MICU2: variants seen among roughly 807,000 people sequenced by gnomAD.
MICU2 encodes calcium uptake protein 2, mitochondrial.
Under a neutral mutation model 60.4 loss-of-function variants are expected in MICU2, and 64 were observed. That is an observed-to-expected ratio of 1.06 (90% confidence interval 0.87 to 1.31). MICU2 has a LOEUF of 1.31. Ranked by LOEUF, MICU2 falls within the 50% of genes most tolerant of loss-of-function variation. The pLI is 0.00. For synonymous variants in MICU2, 201 were observed against 175.0 expected (o/e 1.15, Z -1.17); for missense variants, 569 against 531.0 (o/e 1.07, Z -0.70).
At chr13:21,592,855 T>C (rs993681413) in intron 1 of MICU2, among the ~76,000 whole-genome samples, 1 of 152,196 alleles carries the variant, frequency 6.6e-6, no homozygotes, top group African/African-American at 2.4e-5. Flanking sequence ...TAGGTATTGA[T>C]GGAACATATC....
chr13:21,499,837 AACAAC>A (rs1301492271), intron 9 of MICU2, among the ~76,000 whole-genome samples: 2 of 48,694 alleles, frequency 4.1e-5, no homozygotes, highest in Non-Finnish European at 9.2e-5. Context: ...CAGCCTGGCC[AACAAC>A]ACAGTGAAAC....
intron 1 of MICU2, among the ~76,000 whole-genome samples, chr13:21,590,699 CA>C (rs1252635479): frequency 1.3e-5 from 2 of 152,160 alleles, no homozygotes; most frequent in South Asian, 4.2e-4. Context: ...ACTAAAAATA[CA>C]AAAAATTAGC....
intron 1 of MICU2, among the ~76,000 whole-genome samples, chr13:21,583,553 G>C (rs1450541370): frequency 6.6e-6 from 1 of 152,202 alleles, no homozygotes; most frequent in African/African-American, 2.4e-5. Context: ...TGCTGGATCA[G>C]TTATCATCTG....
At chr13:21,582,451 A>G (rs2138059084) in intron 1 of MICU2, among the ~76,000 whole-genome samples, 1 of 152,358 alleles carries the variant, frequency 6.6e-6, no homozygotes, top group East Asian at 1.9e-4. Context: ...TTAAAAAAGA[A>G]TTGAGAAACA....
intron 2 of MICU2, among the ~76,000 whole-genome samples, chr13:21,541,268 T>C (rs561061998): frequency 7.2e-5 from 11 of 152,154 alleles, no homozygotes; most frequent in African/African-American, 2.6e-4. Flanking sequence ...AAAAAATCCT[T>C]CTACTTGAAA....
At chr13:21,502,566 C>T (rs1361907051) in intron 9 of MICU2, among the ~76,000 whole-genome samples, 1 of 152,142 alleles carries the variant, frequency 6.6e-6, no homozygotes, top group East Asian at 1.9e-4. Flanking sequence ...GTTCTCTAGG[C>T]ATATAATTGC....
rs574487722 is a variant in MICU2 at position 21,537,857 on chromosome 13, T to C, written c.466+1445A>G. Among the ~76,000 whole-genome samples the C allele has an allele frequency of 1.1e-4, 17 of 152,192 alleles. No homozygotes were observed. The East Asian group carries it at 3.3e-3, about 29-fold the overall frequency. ...TTTGCTTGCCAGTAATTTGCAAATATCTGCATAAAATGCTCATTTGTTCAC... is the reference window on the plus strand; with the variant it reads ...TTTGCTTGCCAGTAATTTGCAAATACCTGCATAAAATGCTCATTTGTTCAC... On this transcript the variant is annotated intron_variant, in intron 4 of 11. Transcript: ENST00000382374.
chr13:21,575,094 A>G (rs955040974), intron 1 of MICU2, among the ~76,000 whole-genome samples: 3 of 152,208 alleles, frequency 2.0e-5, no homozygotes, highest in Non-Finnish European at 2.9e-5. Context: ...TTTGTCCCAG[A>G]GACTGGAAGA....
chr13:21,554,865 A>C (rs898112705), intron 2 of MICU2, among the ~76,000 whole-genome samples: 17 of 152,168 alleles, frequency 1.1e-4, no homozygotes, highest in African/African-American at 4.1e-4. Flanking sequence ...AGAAATACAA[A>C]CTACCATCAG....
At position 21,587,235 on chromosome 13, in the gene MICU2, G is replaced by A. The variant is rs1296846870; in HGVS notation, c.210+16704C>T. ...GAGTAAAATGGGAATCCATGAGTCCGTAGATATAAATGAATAAATGAGTAA... is the reference window on the plus strand; with the variant it reads ...GAGTAAAATGGGAATCCATGAGTCCATAGATATAAATGAATAAATGAGTAA... On this transcript the variant is annotated intron_variant, in intron 1 of 11. Transcript: ENST00000382374. Among the ~76,000 whole-genome samples, 7 of 152,154 alleles carry A rather than the reference G, an allele frequency of 4.6e-5. No homozygotes were observed. In the South Asian group the frequency reaches 1.2e-3, roughly 27 times the overall value.
At chr13:21,521,179 T>C in intron 6 of MICU2, 66 bp downstream of exon 6, 1 of 1,229,112 alleles carries the variant, frequency 8.1e-7, no homozygotes, top group Non-Finnish European at 1.2e-6. Flanking sequence ...TTAATGGAAA[T>C]GTAAAATTAT....
At position 21,502,943 on chromosome 13, in the gene MICU2, T is replaced by A. The variant is rs145410850; in HGVS notation, c.916A>T (p.Lys306Ter). 7,041 of 1,610,568 alleles carry A rather than the reference T, an allele frequency of 4.4e-3. 20 individuals carry two copies. The highest frequency in any genetic ancestry group is 5.4e-3 in the Non-Finnish European group (6,312 of 1,179,158). The change falls in exon 9 of 12, where the codon AAG becomes TAG. Residue 306 changes from lysine to a stop codon, truncating the protein, a stop_gained. Transcript: ENST00000382374. LOFTEE classifies it high-confidence loss of function. ...KDIYWKNVRE[K>*]LSAGESISLD... ...ATACCAACCTCTCCTGCTGACAACTTCTCTCTCACATTTTTCCAATAAATA... is the reference window on the plus strand; with the variant it reads ...ATACCAACCTCTCCTGCTGACAACTACTCTCTCACATTTTTCCAATAAATA...
At chr13:21,516,579 C>T (rs187055099) in intron 6 of MICU2, among the ~76,000 whole-genome samples, 98 of 152,204 alleles carry the variant, frequency 6.4e-4, no homozygotes, top group Admixed American at 4.2e-3. Flanking sequence ...TGGATAAACA[C>T]GTAGGAGATA....
intron 7 of MICU2, among the ~76,000 whole-genome samples, chr13:21,510,494 A>AGTATTTCC (rs1886399644): frequency 6.6e-6 from 1 of 152,248 alleles, no homozygotes; most frequent in African/African-American, 2.4e-5. Flanking sequence ...AATGTTGGAA[A>AGTATTTCC]TACTTGGAAA....
Position 21,493,160 on chromosome 13 carries a change from G to C in MICU2, c.*89C>G, listed in dbSNP as rs1010288732. 5.6e-6 allele frequency: 4 copies of C among 716,858 alleles called. No homozygotes were observed. The highest frequency in any genetic ancestry group is 6.6e-6 in the Non-Finnish European group (3 of 456,012). The allele number at this position is 716,858 out of a possible 1,614,324, so 44.4% of individuals were successfully genotyped here. On this transcript the variant is annotated 3_prime_UTR_variant, in exon 12 of 12. Transcript: ENST00000382374. ...TTATTTCACACAGAATATCAATGAAGACTTAAGAAGATAAATAGCAAGTAC... is the reference window on the plus strand; with the variant it reads ...TTATTTCACACAGAATATCAATGAACACTTAAGAAGATAAATAGCAAGTAC...
chr13:21,554,963 A>G (rs1887666137), intron 2 of MICU2, among the ~76,000 whole-genome samples: 1 of 152,222 alleles, frequency 6.6e-6, no homozygotes, highest in African/African-American at 2.4e-5. Context: ...TCCCAAGACT[A>G]AATCAGGAAG....
chr13:21,586,837 A>G (rs1253567331), intron 1 of MICU2, among the ~76,000 whole-genome samples: 1 of 152,216 alleles, frequency 6.6e-6, no homozygotes, highest in Non-Finnish European at 1.5e-5. Context: ...TCTAGTATCA[A>G]GGTCAGCATA....
intron 1 of MICU2, among the ~76,000 whole-genome samples, chr13:21,571,502 C>G (rs1888108331): frequency 6.6e-6 from 1 of 152,118 alleles, no homozygotes; most frequent in Non-Finnish European, 1.5e-5. Context: ...TTGAGACCAT[C>G]CTGGCTAACA....
chr13:21,544,516 G>T (rs374643012), intron 2 of MICU2, among the ~76,000 whole-genome samples: 2 of 77,360 alleles, frequency 2.6e-5, no homozygotes, highest in African/African-American at 5.1e-5. Context: ...ATAAACACAT[G>T]AAAAAAAAAA....
Sources: allele counts gnomAD v4.1 joint callset (sites outside exome capture counted in the v4.1 genomes callset), GRCh38; gene constraint gnomAD v4.1.1; transcripts MANE v1.5; gene names NCBI Gene and HGNC (gene_info 2026-07-23, HGNC 2026-07-21).